MYO7A: variants seen among roughly 807,000 people sequenced by gnomAD.
The protein encoded by MYO7A is myosin VIIA, also known as unconventional myosin-VIIa.
In MYO7A, 210 loss-of-function variants were observed where a neutral mutation model predicts 263.8. The ratio of observed to expected loss-of-function variants is 0.80; its 90% confidence interval spans 0.71 to 0.89. The LOEUF (loss-of-function observed/expected upper bound fraction) is 0.89, where lower values mean the gene tolerates loss of function less well. MYO7A is among the 40% of genes least tolerant of loss of function. The pLI is 0.00. For synonymous variants in MYO7A, 1,239 were observed against 1,197.3 expected (o/e 1.03, Z -0.72); for missense variants, 2,820 against 2,968.3 (o/e 0.95, Z 1.16).
chr11:77,152,000 G>A (rs1032723192), intron 4 of MYO7A, among the ~76,000 whole-genome samples: 3 of 152,138 alleles, frequency 2.0e-5, no homozygotes, highest in African/African-American at 4.8e-5. Flanking sequence ...TTGGAGGCTC[G>A]CCTCTCTCAT....
chr11:77,181,735 C>A, intron 23 of MYO7A, 146 bp downstream of exon 23: 1 of 847,740 alleles, frequency 1.2e-6, no homozygotes, highest in Non-Finnish European at 1.8e-6. Flanking sequence ...CTGCAGGTCC[C>A]AGGTCCTGTC....
chr11:77,143,701 A>C (rs1445853087), intron 3 of MYO7A, among the ~76,000 whole-genome samples: 1 of 152,208 alleles, frequency 6.6e-6, no homozygotes, highest in Non-Finnish European at 1.5e-5. Context: ...CAGCTCTGCC[A>C]TAATGTGGGC....
intron 48 of MYO7A, among the ~76,000 whole-genome samples, chr11:77,214,182 C>T (rs1184424968): frequency 6.6e-6 from 1 of 152,218 alleles, no homozygotes; most frequent in African/African-American, 2.4e-5. Flanking sequence ...GGAACAGATC[C>T]CTCGTTCAAC....
rs782440130 is a variant in MYO7A, at chr11:77,160,226, G to T, written c.1144G>T (p.Val382Leu). The change falls in exon 11 of 49, where the codon GTG (valine) becomes TTG (leucine). Residue 382 changes from valine to leucine, a missense_variant. Physicochemically the swap from Val to Leu is conservative, Grantham distance 32. Transcript: ENST00000409709. ...CACCCTCATCACCCGCGGGGAGACG[G>T]TGTCCACCCCACTGAGCAGGGAACA... ...SRTLITRGET[V>L]STPLSREQAL... The T allele has an allele frequency of 1.3e-6, 2 of 1,581,542 alleles. No homozygotes were observed. The highest frequency in any genetic ancestry group is 1.7e-6 in the Non-Finnish European group (2 of 1,164,516).
At chr11:77,194,262 G>A (rs894837741) in intron 31 of MYO7A, 92 bp from the exon 32 acceptor site, 7 of 1,425,388 alleles carry the variant, frequency 4.9e-6, no homozygotes, top group Non-Finnish European at 6.7e-6. Flanking sequence ...CAGGAGGCAG[G>A]GCCAGGAGAG....
At chr11:77,209,010 G>C in intron 44 of MYO7A, 2 of 580,926 alleles carry the variant, frequency 3.4e-6, no homozygotes, top group Non-Finnish European at 6.2e-6. Flanking sequence ...TTAGGGGCTT[G>C]ACAGTTCCTC....
At chr11:77,140,593 C>T (rs1179619903) in intron 2 of MYO7A, among the ~76,000 whole-genome samples, 2 of 152,220 alleles carry the variant, frequency 1.3e-5, no homozygotes, top group Admixed American at 6.5e-5. Flanking sequence ...AGATGAGGGA[C>T]TCAGACCCAG....
In MYO7A at chr11:77,192,247, G is replaced by T. The variant is rs754109987; in HGVS notation, c.4121G>T (p.Gly1374Val). ...TNLIYQQVVR[G>V]VKFGEYRCEK... ...CTCATCTACCAGCAGGTGGTGCGAGGAGTCAAGTTTGGGGAGTACAGGTGT... is the reference window on the plus strand; with the variant it reads ...CTCATCTACCAGCAGGTGGTGCGAGTAGTCAAGTTTGGGGAGTACAGGTGT... The change falls in exon 31 of 49, where the codon GGA (glycine) becomes GTA (valine). Residue 1374 changes from glycine (G) to valine (V), a missense_variant. Physicochemically the swap from Gly to Val is moderately radical, Grantham distance 109. Coordinates refer to ENST00000409709, the MANE Select transcript of MYO7A (RefSeq NM_000260.4). 3.1e-6 allele frequency: 5 copies of T among 1,614,062 alleles called. No homozygotes were observed. Among genetic ancestry groups the T allele is most frequent in the Non-Finnish European group, 4.2e-6 (5 of 1,179,912 alleles).
chr11:77,139,223 C>T (rs188323474), intron 2 of MYO7A, among the ~76,000 whole-genome samples: 3 of 152,336 alleles, frequency 2.0e-5, no homozygotes, highest in East Asian at 1.9e-4. Context: ...TAAGCCAGAT[C>T]TCCTATGTGT....
chr11:77,128,476 C>A lies in MYO7A; in HGVS notation c.-60C>A, dbSNP rs542449537. On this transcript the variant is annotated 5_prime_UTR_variant, in exon 1 of 49. Transcript: ENST00000409709. ...AGGCTGGCAGGTCACTGAGAGTGGG[C>A]AGCTGGGCCCCAGGTAAGGATGGGC... 2 of 152,498 alleles carry A rather than the reference C, an allele frequency of 1.3e-5. No individual in the cohort carries two copies. Among genetic ancestry groups the A allele is most frequent in the East Asian group, 3.9e-4 (2 of 5,188 alleles). The allele number at this position is 152,498 out of a possible 1,614,324, so 9.4% of individuals were successfully genotyped here.
chr11:77,189,920 C>CTGGAGG, intron 28 of MYO7A, 100 bp from the exon 29 acceptor site: 4 of 1,438,866 alleles, frequency 2.8e-6, no homozygotes, highest in Non-Finnish European at 3.7e-6. Flanking sequence ...GCAACCTGGC[C>CTGGAGG]TGGAGGAGCG....
intron 2 of MYO7A, among the ~76,000 whole-genome samples, chr11:77,132,604 T>G (rs1277898096): frequency 1.3e-5 from 2 of 152,152 alleles, no homozygotes; most frequent in Non-Finnish European, 2.9e-5. Flanking sequence ...TTCTCCTGCC[T>G]CAGCCTCCTG....
chr11:77,129,770 A>G (rs1381495704), intron 1 of MYO7A, among the ~76,000 whole-genome samples: 1 of 152,186 alleles, frequency 6.6e-6, no homozygotes, highest in Non-Finnish European at 1.5e-5. Flanking sequence ...TGAGCCATGA[A>G]CCATAAGTGG....
intron 24 of MYO7A, 89 bp downstream of exon 24, chr11:77,182,243 G>T: frequency 6.5e-7 from 1 of 1,532,144 alleles, no homozygotes; most frequent in Non-Finnish European, 8.9e-7. Context: ...TAGGTGATGA[G>T]GGTGGTGGGT....
rs187078301 is a variant in MYO7A, at chr11:77,144,909, C to T, written c.132+2087C>T. Among the ~76,000 whole-genome samples, 574 of 152,304 alleles carry T rather than the reference C, an allele frequency of 3.8e-3. 1 individual carries two copies. Among genetic ancestry groups the T allele is most frequent in the Non-Finnish European group, 6.3e-3 (428 of 68,024 alleles). On this transcript the variant is annotated intron_variant, in intron 3 of 48. Transcript: ENST00000409709. ...CTGCTCAGTCCAGGCCAGCTCTTTC[C>T]CAAAGGCATCCCTGGTCCCTGGAAT...
In MYO7A at chr11:77,179,037, T is replaced by C. The variant is rs782624055; in HGVS notation, c.2283-8T>C. The C allele has an allele frequency of 3.8e-6, 6 of 1,599,136 alleles. No individual in the cohort carries two copies. The highest frequency in any genetic ancestry group is 5.1e-6 in the Non-Finnish European group (6 of 1,173,434). ...CACTGCTCACCCGCGCCACTACTGC[T>C]GTTTCAGGTCTAACTTTCTGAAGCT... On this transcript the variant is annotated splice_polypyrimidine_tract_variant and splice_region_variant and intron_variant, in intron 19 of 48. Coordinates refer to ENST00000409709, the MANE Select transcript of MYO7A (RefSeq NM_000260.4).
intron 21 of MYO7A, 118 bp from the exon 22 acceptor site, chr11:77,180,256 G>T: frequency 3.1e-6 from 1 of 324,158 alleles, no homozygotes; most frequent in Non-Finnish European, 5.1e-6. Flanking sequence ...TACCTCACTT[G>T]TCCTATCAAA....
intron 19 of MYO7A, 53 bp downstream of exon 19, chr11:77,177,696 G>C (rs1954761940): frequency 6.8e-7 from 1 of 1,479,532 alleles, no homozygotes; most frequent in South Asian, 1.2e-5. Context: ...AGGTGTACGT[G>C]TGGTGTTTGG....
At chr11:77,132,055 GCTT>G (rs1176552968) in intron 2 of MYO7A, among the ~76,000 whole-genome samples, 3 of 152,012 alleles carry the variant, frequency 2.0e-5, no homozygotes, top group Non-Finnish European at 4.4e-5. Flanking sequence ...CCATGAAAAT[GCTT>G]CTTCCTTCCT....
Sources: gnomAD v4.1 joint callset for allele counts (sites outside exome capture counted in the v4.1 genomes callset) on GRCh38, gnomAD v4.1.1 for gene constraint, MANE v1.5 for transcripts, NCBI Gene and HGNC (gene_info 2026-07-23, HGNC 2026-07-21) for gene names.